PGLYRP4: variants seen among roughly 807,000 people sequenced by gnomAD.
The protein encoded by PGLYRP4 is PGRP-I-beta.
A neutral mutation model predicts 41.2 loss-of-function variants in PGLYRP4; 39 were observed. The observed-to-expected ratio is 0.95, with a 90% CI of 0.73 to 1.24. The LOEUF (loss-of-function observed/expected upper bound fraction) is 1.24, where lower values mean the gene tolerates loss of function less well. Among genes scored for constraint, PGLYRP4 ranks in the 50% most tolerant of loss-of-function variants. The pLI is 0.00. For synonymous variants in PGLYRP4, 202 were observed against 186.8 expected (o/e 1.08, Z -0.66); for missense variants, 467 against 460.7 (o/e 1.01, Z -0.13).
chr1:153,333,271 G>A (rs1430352834), intron 8 of PGLYRP4, among the ~76,000 whole-genome samples: 2 of 152,032 alleles, frequency 1.3e-5, no homozygotes, highest in East Asian at 1.9e-4. Context: ...ACAAAAGATT[G>A]TCAGAGATTA....
rs118041585 is a variant in PGLYRP4 at position 153,339,323 on chromosome 1, G to A, written c.824+1058C>T. 2.2e-3 allele frequency among the ~76,000 whole-genome samples: 341 copies of A among 152,316 alleles called. 8 individuals carry two copies. In the East Asian group the frequency reaches 0.049, roughly 22 times the overall value. On this transcript the variant is annotated intron_variant, in intron 7 of 8. Coordinates refer to ENST00000359650, the MANE Select transcript of PGLYRP4 (RefSeq NM_020393.4). ...CAAAGCACTTGGTAGGTTCTGATAC[G>A]TCATAGGTGTTGGAGGGAAGGTTTT...
At chr1:153,348,039 C>A in intron 1 of PGLYRP4, 61 bp from the exon 2 acceptor site, 2 of 920,854 alleles carry the variant, frequency 2.2e-6, no homozygotes, top group South Asian at 1.5e-5. Context: ...CATCCCAAAC[C>A]CTGACTGCAG....
At chr1:153,345,503 A>ACCTGC (rs1660972177) in intron 3 of PGLYRP4, 121 bp from the exon 4 acceptor site, 4 of 802,664 alleles carry the variant, frequency 5.0e-6, no homozygotes, top group Non-Finnish European at 8.4e-6. Context: ...AGGCAGGTGC[A>ACCTGC]CCTGCCCTGC....
intron 8 of PGLYRP4, among the ~76,000 whole-genome samples, chr1:153,332,743 C>T (rs904427796): frequency 6.6e-6 from 1 of 152,056 alleles, no homozygotes; most frequent in Non-Finnish European, 1.5e-5. Context: ...CAAAACTATA[C>T]AAATACATGG....
intron 8 of PGLYRP4, among the ~76,000 whole-genome samples, chr1:153,331,942 A>G (rs1292645299): frequency 6.6e-6 from 1 of 152,240 alleles, no homozygotes; most frequent in Non-Finnish European, 1.5e-5. Flanking sequence ...CATTAACATT[A>G]TGACAGGAAT....
chr1:153,347,925 G>A lies in PGLYRP4; in HGVS notation c.8C>T (p.Pro3Leu), dbSNP rs12096209. 0.061 allele frequency: 98,092 copies of A among 1,613,174 alleles called. 4,036 individuals are homozygous for A. Among genetic ancestry groups the A allele is most frequent in the African/African-American group, 0.2 (15,153 of 74,958 alleles). The change falls in exon 2 of 9, where the codon CCG (proline) becomes CTG (leucine). Residue 3 changes from proline to leucine, a missense_variant. By Grantham distance (98) the Pro-to-Leu change is moderately conservative. Transcript: ENST00000359650. ...CAGAGCAGAGAAGACAAGAAGCCACGGCAGCATCCCCACGTGGTCCCAGGA... is the reference window on the plus strand; with the variant it reads ...CAGAGCAGAGAAGACAAGAAGCCACAGCAGCATCCCCACGTGGTCCCAGGA... ML[P>L]WLLVFSALGI...
rs1273572596 is a variant in PGLYRP4 at position 153,330,536 on chromosome 1, G to A, written c.*231C>T. The A allele has an allele frequency of 2.9e-6, 1 of 348,834 alleles. No individual in the cohort carries two copies. Among genetic ancestry groups the A allele is most frequent in the African/African-American group, 2.0e-5 (1 of 49,298 alleles). 21.6% of individuals were successfully genotyped at this position (348,834 alleles called of 1,614,324 possible). ...TTTCCAAGGGAGAGGAAGGTAAGGAGAGAAGAAATCTGGACTCAGACTCAG... is the reference window on the plus strand; with the variant it reads ...TTTCCAAGGGAGAGGAAGGTAAGGAAAGAAGAAATCTGGACTCAGACTCAG... On this transcript the variant is annotated 3_prime_UTR_variant, in exon 9 of 9. Transcript: ENST00000359650.
chr1:153,346,014 G>A, intron 3 of PGLYRP4, 88 bp downstream of exon 3: 1 of 943,100 alleles, frequency 1.1e-6, no homozygotes, highest in Admixed American at 1.8e-5. Flanking sequence ...CCAGTCACAT[G>A]TGGCTTTGCA....
rs1660863706 is a variant in PGLYRP4, at chr1:153,343,100, G to A, written c.462C>T (p.Gly154=). Residue 154 remains glycine (G), a synonymous_variant, in exon 5 of 9, where the codon GGC becomes GGT. Transcript: ENST00000359650. Reference sequence around the variant, plus strand: ...TGTGATAACTGTTACCTTTCTTAGTGCCAAAGAAGGCAAAGCCCAGGGAGA... The same window carrying A: ...TGTGATAACTGTTACCTTTCTTAGTACCAAAGAAGGCAAAGCCCAGGGAGA... ...NNISLGFAFF[G]TKKGHSPSPA... is the part of the protein sequence containing the mutation. 4.4e-6 allele frequency: 7 copies of A among 1,599,624 alleles called. No homozygotes were observed. The highest frequency in any genetic ancestry group is 6.0e-6 in the Non-Finnish European group (7 of 1,166,946).
chr1:153,343,200 A>G lies in PGLYRP4; in HGVS notation c.362T>C (p.Val121Ala), dbSNP rs1660868816. 1.9e-6 allele frequency: 3 copies of G among 1,611,000 alleles called. No individual in the cohort carries two copies. Among genetic ancestry groups the G allele is most frequent in the Non-Finnish European group, 2.5e-6 (3 of 1,177,184 alleles). Residue 121 changes from valine to alanine, a missense_variant, in exon 5 of 9, where the codon GTT becomes GCT. Physicochemically the swap from Val to Ala is moderately conservative, Grantham distance 64. Transcript: ENST00000359650. ...SGCDVAYNFL[V>A]GDDGRVYEGV... ...TTCATACACCCTGCCATCATCCCCA[A>G]CCAGGAAGCTATGGAGCAAGATAAT...
At chr1:153,340,758 A>G (rs932804832) in intron 6 of PGLYRP4, among the ~76,000 whole-genome samples, 179 bp from the exon 7 acceptor site, 7 of 148,384 alleles carry the variant, frequency 4.7e-5, no homozygotes, top group Non-Finnish European at 9.0e-5. Flanking sequence ...AGTGTCCCGC[A>G]GTGGGACATG....
At chr1:153,348,008 G>A in intron 1 of PGLYRP4, 30 bp from the exon 2 acceptor site, 1 of 1,216,766 alleles carries the variant, frequency 8.2e-7, no homozygotes, top group Non-Finnish European at 1.2e-6. Context: ...TTGTTAACAT[G>A]ACCATTCTCA....
intron 4 of PGLYRP4, among the ~76,000 whole-genome samples, chr1:153,343,417 C>G (rs1287985642): frequency 6.6e-6 from 1 of 152,196 alleles, no homozygotes; most frequent in Non-Finnish European, 1.5e-5. Context: ...CTCCCTACCC[C>G]CTTCCCTTTT....
intron 7 of PGLYRP4, among the ~76,000 whole-genome samples, chr1:153,337,752 C>A (rs769254999): frequency 2.6e-5 from 4 of 152,168 alleles, no homozygotes; most frequent in Non-Finnish European, 4.4e-5. Flanking sequence ...CTCCTTCTCA[C>A]CAAGAAAACG....
At position 153,330,669 on chromosome 1, in the gene PGLYRP4, G is replaced by T; in HGVS notation, c.*98C>A. The T allele has an allele frequency of 1.0e-6, 1 of 975,636 alleles. No individual in the cohort carries two copies. The highest frequency in any genetic ancestry group is 1.6e-6 in the Non-Finnish European group (1 of 633,156). 60.4% of individuals were successfully genotyped at this position (975,636 alleles called of 1,614,324 possible). The stretch of plus-strand genomic sequence containing the variant: ...AAGGAGGCACAGGACTGTGTGGCAG[G>T]GGAGGAGGGCAAAAGGTGTTGAGCC... On this transcript the variant is annotated 3_prime_UTR_variant, in exon 9 of 9. Coordinates refer to ENST00000359650, the MANE Select transcript of PGLYRP4 (RefSeq NM_020393.4).
In PGLYRP4 at chr1:153,343,178, A is replaced by G; in HGVS notation, c.384T>C (p.Tyr128=). The G allele has an allele frequency of 6.2e-7, 1 of 1,613,772 alleles. No homozygotes were observed. The highest frequency in any genetic ancestry group is 8.5e-7 in the Non-Finnish European group (1 of 1,179,666). ...NFLVGDDGRV[Y]EGVGWNIQGV... ...CTTGGATATTCCAGCCAACACCTTC[A>G]TACACCCTGCCATCATCCCCAACCA... is the stretch of plus-strand genomic sequence containing the variant. Residue 128 remains tyrosine (Y), a synonymous_variant, in exon 5 of 9, where the codon TAT becomes TAC. Transcript: ENST00000359650.
intron 4 of PGLYRP4, among the ~76,000 whole-genome samples, chr1:153,344,696 G>T (rs1660929839): frequency 6.6e-6 from 1 of 152,222 alleles, no homozygotes; most frequent in Non-Finnish European, 1.5e-5. Context: ...CACTGAGGCT[G>T]GAGCCCATGT....
intron 8 of PGLYRP4, among the ~76,000 whole-genome samples, chr1:153,335,727 A>AAATAAATAAATG (rs151252426): frequency 0.47 from 63,226 of 133,412 alleles, 13,796 homozygotes; most frequent in South Asian, 0.57. Context: ...CTGTCTAAAT[A>AAATAAATAAATG]AATAAATAAA....
At chr1:153,346,546 A>T (rs936479127) in intron 2 of PGLYRP4, among the ~76,000 whole-genome samples, 1 of 151,900 alleles carries the variant, frequency 6.6e-6, no homozygotes, top group African/African-American at 2.4e-5. Context: ...TGTGCATTTT[A>T]CCGAAGCAAT....
Sources: gnomAD v4.1 joint callset for allele counts (sites outside exome capture counted in the v4.1 genomes callset) on GRCh38, gnomAD v4.1.1 for gene constraint, MANE v1.5 for transcripts, NCBI Gene and HGNC (gene_info 2026-07-23, HGNC 2026-07-21) for gene names.